The following DCC variants were observed in gnomAD, a reference collection of about 807,000 sequenced individuals.
DCC encodes netrin receptor DCC.
A neutral mutation model predicts 172.5 loss-of-function variants in DCC; 58 were observed. The observed-to-expected ratio is 0.34, with a 90% CI of 0.27 to 0.42. DCC has a LOEUF of 0.42. Ranked by LOEUF, DCC falls within the 10% of genes least tolerant of loss-of-function variation. The pLI is 1.00. For synonymous variants in DCC, 709 were observed against 644.5 expected (o/e 1.10, Z -1.52); for missense variants, 1,740 against 1,791.0 (o/e 0.97, Z 0.51).
chr18:53,091,468 A>G (rs954234612), intron 7 of DCC, among the ~76,000 whole-genome samples: 1 of 151,100 alleles, frequency 6.6e-6, no homozygotes, highest in Admixed American at 6.6e-5. Context: ...TGAGTGGCTT[A>G]TGCACAACAT....
chr18:52,358,548 CT>C (rs1222582649), intron 1 of DCC, among the ~76,000 whole-genome samples: 1 of 152,224 alleles, frequency 6.6e-6, no homozygotes, highest in Non-Finnish European at 1.5e-5. Flanking sequence ...CACATTACCA[CT>C]GCTCAACAGG....
intron 1 of DCC, among the ~76,000 whole-genome samples, chr18:52,513,659 G>T (rs1436194515): frequency 1.3e-5 from 2 of 152,022 alleles, no homozygotes; most frequent in African/African-American, 2.4e-5. Context: ...GCAAACCAAG[G>T]TCTTTTGGCT....
chr18:53,261,487 C>G (rs2056601998), intron 12 of DCC, among the ~76,000 whole-genome samples: 1 of 152,134 alleles, frequency 6.6e-6, no homozygotes, highest in Admixed American at 6.5e-5. Flanking sequence ...TCTCCTCTGT[C>G]AGTCAGATCA....
chr18:52,813,194 T>G lies in DCC; in HGVS notation c.412+60820T>G, dbSNP rs191976625. Among the ~76,000 whole-genome samples the G allele has an allele frequency of 2.1e-3, 321 of 152,370 alleles. 1 individual carries two copies. The highest frequency in any genetic ancestry group is 7.2e-3 in the African/African-American group (300 of 41,596). On this transcript the variant is annotated intron_variant, in intron 2 of 28. Transcript: ENST00000442544. ...CCAGGAAAAATCTTCTTAAATTTTC[T>G]GATACAATTAGACACTGATCTCTAA...
intron 2 of DCC, among the ~76,000 whole-genome samples, chr18:52,879,543 C>T (rs1019299833): frequency 6.7e-6 from 1 of 150,362 alleles, no homozygotes; most frequent in African/African-American, 2.5e-5. Flanking sequence ...TCTGCCTCAG[C>T]CTCCTCAGAG....
At chr18:53,298,670 T>A (rs2057098182) in intron 12 of DCC, among the ~76,000 whole-genome samples, 1 of 152,084 alleles carries the variant, frequency 6.6e-6, no homozygotes. Flanking sequence ...CTTTTCAACT[T>A]GAATTTATTT....
chr18:52,884,860 T>C (rs2039546404), intron 2 of DCC, among the ~76,000 whole-genome samples: 1 of 152,174 alleles, frequency 6.6e-6, no homozygotes. Context: ...TTCCAGGTAT[T>C]TGAAGGAACT....
chr18:52,913,637 A>C (rs1246360525), intron 3 of DCC, among the ~76,000 whole-genome samples: 1 of 152,100 alleles, frequency 6.6e-6, no homozygotes, highest in African/African-American at 2.4e-5. Flanking sequence ...ATTGTCCTCC[A>C]CGTAAAGGAA....
In DCC at chr18:52,906,388, A is replaced by G. The variant is rs1013163142; in HGVS notation, c.697+60A>G. On this transcript the variant is annotated intron_variant, in intron 3 of 28. Coordinates refer to ENST00000442544, the MANE Select transcript of DCC (RefSeq NM_005215.4). ...ATTCTCTGGAATAAGTTGAAAAACA[A>G]TTTTTTTCTTTAACAGATATTTGTA... 2.6e-5 allele frequency: 40 copies of G among 1,556,608 alleles called. No homozygotes were observed. The Admixed American group carries it at 6.5e-4, about 25-fold the overall frequency.
At chr18:52,926,842 C>G (rs901235803) in intron 5 of DCC, among the ~76,000 whole-genome samples, 1 of 146,316 alleles carries the variant, frequency 6.8e-6, no homozygotes, top group Non-Finnish European at 1.5e-5. Flanking sequence ...CATACACACA[C>G]ACACATATAC....
At chr18:52,464,997 C>T (rs1988743449) in intron 1 of DCC, among the ~76,000 whole-genome samples, 2 of 152,008 alleles carry the variant, frequency 1.3e-5, no homozygotes, top group Admixed American at 6.6e-5. Flanking sequence ...TTGGTCTGAG[C>T]ATTAATTTGA....
chr18:53,528,117 T>C (rs935902733), intron 28 of DCC, among the ~76,000 whole-genome samples: 29 of 152,216 alleles, frequency 1.9e-4, no homozygotes, highest in African/African-American at 6.0e-4. Flanking sequence ...AACTACCAGG[T>C]CTTTTATAAA....
At chr18:52,872,151 C>T (rs919457734) in intron 2 of DCC, among the ~76,000 whole-genome samples, 1 of 152,120 alleles carries the variant, frequency 6.6e-6, no homozygotes, top group Admixed American at 6.5e-5. Flanking sequence ...GGGATTATCC[C>T]CGCTCCCCAA....
At chr18:53,244,678 G>C (rs2144645213) in intron 12 of DCC, among the ~76,000 whole-genome samples, 1 of 152,088 alleles carries the variant, frequency 6.6e-6, no homozygotes, top group East Asian at 1.9e-4. Flanking sequence ...CTTGAGGCTT[G>C]GACTTCTCAC....
chr18:52,450,555 A>C (rs1430229884), intron 1 of DCC, among the ~76,000 whole-genome samples: 2 of 152,148 alleles, frequency 1.3e-5, no homozygotes, highest in Non-Finnish European at 2.9e-5. Flanking sequence ...CTATTTGGGG[A>C]AATGTTATCT....
At chr18:53,461,875 C>T (rs1304337269) in intron 24 of DCC, among the ~76,000 whole-genome samples, 1 of 152,172 alleles carries the variant, frequency 6.6e-6, no homozygotes. Flanking sequence ...ATATTTGGCT[C>T]TAGGGACTGG....
At chr18:53,163,301 G>A (rs1374803148) in intron 8 of DCC, among the ~76,000 whole-genome samples, 1 of 152,146 alleles carries the variant, frequency 6.6e-6, no homozygotes, top group South Asian at 2.1e-4. Context: ...TGTTACTGAG[G>A]AGGATGAATA....
At chr18:53,131,952 G>GTTTTTTTTTT (rs1568323077) in intron 7 of DCC, among the ~76,000 whole-genome samples, 1 of 68,808 alleles carries the variant, frequency 1.5e-5, no homozygotes, top group Admixed American at 2.2e-4. Context: ...GTCTCTAAGT[G>GTTTTTTTTTT]ATTTTTTTTT....
chr18:52,766,298 G>A (rs372038303), intron 2 of DCC, among the ~76,000 whole-genome samples: 1 of 152,170 alleles, frequency 6.6e-6, no homozygotes, highest in African/African-American at 2.4e-5. Context: ...AGGCCCAGAG[G>A]GTGTGTTACA....
Sources: gnomAD v4.1 joint callset for allele counts (sites outside exome capture counted in the v4.1 genomes callset) on GRCh38, gnomAD v4.1.1 for gene constraint, MANE v1.5 for transcripts, NCBI Gene and HGNC (gene_info 2026-07-23, HGNC 2026-07-21) for gene names.